The following MERTK variants were observed in gnomAD, a reference collection of about 807,000 sequenced individuals.
MERTK encodes the protein MER proto-oncogene, tyrosine kinase, also known as tyrosine-protein kinase Mer.
A neutral mutation model predicts 99.3 loss-of-function variants in MERTK; 69 were observed. That is an observed-to-expected ratio of 0.70 (90% CI 0.57 to 0.85). The LOEUF is 0.85. Among genes scored for constraint, MERTK ranks in the 40% least tolerant of loss-of-function variants. The pLI is 0.00. For synonymous variants in MERTK, 426 were observed against 467.6 expected, an observed-to-expected ratio of 0.91 and a Z score of 1.15; for missense variants, 1,125 against 1,249.4, an observed-to-expected ratio of 0.90 and a Z score of 1.50.
intron 7 of MERTK, among the ~76,000 whole-genome samples, chr2:111,981,819 C>T (rs754189779): frequency 2.0e-4 from 30 of 152,120 alleles, no homozygotes; most frequent in Non-Finnish European, 4.3e-4. Flanking sequence ...TAACTTGCCT[C>T]TGGACTTTAA....
At chr2:112,026,506 G>T (rs574819538) in intron 18 of MERTK, among the ~76,000 whole-genome samples, 2 of 152,144 alleles carry the variant, frequency 1.3e-5, no homozygotes, top group Admixed American at 6.5e-5. Context: ...ATTGACTTAC[G>T]CCTGAAAACC....
At position 112,029,073 on chromosome 2, in the gene MERTK, A is replaced by G; in HGVS notation, c.*209A>G. ...GAAAAAATATGTGTATATCATGGAA[A>G]AAGACAAGGATATTTTAATAAAACA... On this transcript the variant is annotated 3_prime_UTR_variant, in exon 19 of 19. Transcript: ENST00000295408. 7.8e-7 allele frequency: 1 copy of G among 1,284,014 alleles called. No homozygotes were observed. Among genetic ancestry groups the G allele is most frequent in the Non-Finnish European group, 9.9e-7 (1 of 1,008,206 alleles). 79.5% of individuals were successfully genotyped at this position (1,284,014 alleles called of 1,614,324 possible). A position where few individuals can be genotyped will look rare whatever the true frequency, so the allele number is the denominator to read the frequency against.
chr2:111,947,656 G>A lies in MERTK; in HGVS notation c.757+89G>A, dbSNP rs1313466525. ...GACCCTTGCTGTGCACCACTAGCAG[G>A]CAGTGGAGACAGATGAAAATACAGG... On this transcript the variant is annotated intron_variant, in intron 4 of 18. Coordinates refer to ENST00000295408, the MANE Select transcript of MERTK (RefSeq NM_006343.3). 4.1e-6 allele frequency: 6 copies of A among 1,457,436 alleles called. No homozygotes were observed. The Admixed American group carries it at 1.0e-4, about 25-fold the overall frequency. The allele number at this position is 1,457,436 out of a possible 1,614,324, so 90.3% of individuals were successfully genotyped here. A position where few individuals can be genotyped will look rare whatever the true frequency, so the allele number is the denominator to read the frequency against.
At chr2:111,928,840 G>A (rs1398919812) in intron 1 of MERTK, among the ~76,000 whole-genome samples, 1 of 152,168 alleles carries the variant, frequency 6.6e-6, no homozygotes, top group African/African-American at 2.4e-5. Flanking sequence ...ATACTGCTGA[G>A]TTGGGCATGA....
In MERTK at chr2:112,028,648, G is replaced by GTA. The variant is rs773105686; in HGVS notation, c.2785_2786dup (p.Ile930ThrfsTer3). On this transcript the variant is annotated frameshift_variant, in exon 19 of 19. Transcript: ENST00000295408. LOFTEE classifies it low-confidence loss of function (END_TRUNC). ...ATGACAGCAAACCTCATGAAGGACG[G>GTA]TACATCCTGAATGGGGGCAGTGAGG... The GTA allele has an allele frequency of 4.8e-5, 78 of 1,614,068 alleles. 1 individual carries two copies. The highest frequency in any genetic ancestry group is 2.8e-4 in the Admixed American group (17 of 59,992).
At chr2:112,022,157 A>G (rs12989808) in intron 17 of MERTK, 101 bp from the exon 18 acceptor site, 136,892 of 1,527,912 alleles carry the variant, frequency 0.09, 6,929 homozygotes, top group Middle Eastern at 0.12. Flanking sequence ...AGCTTTGTGC[A>G]TGATCATCAG....
intron 7 of MERTK, among the ~76,000 whole-genome samples, chr2:111,981,921 C>G (rs548231088): frequency 1.2e-3 from 189 of 152,312 alleles, no homozygotes; most frequent in African/African-American, 4.5e-3. Flanking sequence ...TGTTAACTTT[C>G]TGCCCCACAG....
intron 8 of MERTK, among the ~76,000 whole-genome samples, chr2:111,985,685 A>T (rs999986879): frequency 1.3e-5 from 2 of 152,164 alleles, no homozygotes; most frequent in Admixed American, 6.5e-5. Context: ...CAGGCAAGAG[A>T]GTGTGCAGGG....
At chr2:112,006,644 T>C (rs143343561) in intron 13 of MERTK, among the ~76,000 whole-genome samples, 9 of 152,314 alleles carry the variant, frequency 5.9e-5, no homozygotes, top group African/African-American at 9.6e-5. Context: ...GTAAATTGCA[T>C]AGGGATTACA....
At chr2:112,000,197 G>C (rs568685782) in intron 10 of MERTK, among the ~76,000 whole-genome samples, 8 of 152,170 alleles carry the variant, frequency 5.3e-5, no homozygotes, top group African/African-American at 1.4e-4. Context: ...GGGTGTATAC[G>C]TGCAGGTCAC....
intron 4 of MERTK, among the ~76,000 whole-genome samples, chr2:111,958,252 T>C (rs1054155425): frequency 6.6e-6 from 1 of 152,048 alleles, no homozygotes; most frequent in African/African-American, 2.4e-5. Context: ...TCACAAGGGT[T>C]TGGGGCTGTA....
chr2:111,933,556 T>A (rs1684711580), intron 2 of MERTK, among the ~76,000 whole-genome samples: 1 of 152,042 alleles, frequency 6.6e-6, no homozygotes, highest in South Asian at 2.1e-4. Context: ...CTTTTTTTTC[T>A]AAAAGGTATT....
chr2:111,925,292 A>ATATATATTTTTTT (rs372747015), intron 1 of MERTK, among the ~76,000 whole-genome samples: 5 of 24,498 alleles, frequency 2.0e-4, no homozygotes, highest in African/African-American at 7.1e-4. Flanking sequence ...ATATATATAT[A>ATATATATTTTTTT]TTTTTTTTTT....
intron 2 of MERTK, among the ~76,000 whole-genome samples, chr2:111,942,126 G>C (rs1428772093): frequency 6.6e-6 from 1 of 152,200 alleles, no homozygotes; most frequent in Non-Finnish European, 1.5e-5. Flanking sequence ...CCTGAGTCCA[G>C]CTGCAAGCCT....
intron 1 of MERTK, among the ~76,000 whole-genome samples, chr2:111,916,758 T>TTTA (rs1684358836): frequency 2.6e-5 from 4 of 152,028 alleles, no homozygotes; most frequent in African/African-American, 4.8e-5. Flanking sequence ...TTATTTATTT[T>TTTA]TTTGGCACAC....
chr2:111,905,314 G>A (rs1336706213), intron 1 of MERTK, among the ~76,000 whole-genome samples: 2 of 152,192 alleles, frequency 1.3e-5, no homozygotes, highest in East Asian at 3.9e-4. Context: ...GGACATGGCC[G>A]GCATGTGAAA....
chr2:111,979,878 C>G (rs1205609745), intron 7 of MERTK, among the ~76,000 whole-genome samples: 2 of 152,118 alleles, frequency 1.3e-5, no homozygotes, highest in Non-Finnish European at 2.9e-5. Context: ...TCTAAGCCCT[C>G]TGTTCTGTGT....
At chr2:111,902,066 G>T (rs1684054547) in intron 1 of MERTK, among the ~76,000 whole-genome samples, 2 of 151,940 alleles carry the variant, frequency 1.3e-5, no homozygotes, top group South Asian at 4.1e-4. Context: ...TGTATTTTTG[G>T]TAGAGACAGG....
intron 1 of MERTK, among the ~76,000 whole-genome samples, chr2:111,928,690 T>G (rs1684612823): frequency 6.6e-6 from 1 of 152,176 alleles, no homozygotes; most frequent in Non-Finnish European, 1.5e-5. Context: ...TTTGCCATGT[T>G]GGCCAGGCTT....
Sources: allele counts gnomAD v4.1 joint callset (sites outside exome capture counted in the v4.1 genomes callset), GRCh38; gene constraint gnomAD v4.1.1; transcripts MANE v1.5; gene names NCBI Gene and HGNC (gene_info 2026-07-23, HGNC 2026-07-21).